SLC24A2: variants seen among roughly 807,000 people sequenced by gnomAD.
The protein encoded by SLC24A2 is solute carrier family 24 member 2, also known as sodium/potassium/calcium exchanger 2.
In SLC24A2, 36 loss-of-function variants were observed where a neutral mutation model predicts 62.0. That is an observed-to-expected ratio of 0.58 (90% CI 0.44 to 0.77). The LOEUF (loss-of-function observed/expected upper bound fraction) is 0.77. SLC24A2 is among the 30% of genes least tolerant of loss of function. The pLI is 0.00. For synonymous variants in SLC24A2, 358 were observed against 294.0 expected, an observed-to-expected ratio of 1.22 and a Z score of -2.23; for missense variants, 846 against 817.9, an observed-to-expected ratio of 1.03 and a Z score of -0.42.
the SLC24A2 span, among the ~76,000 whole-genome samples, chr9:20,079,609 G>A: frequency 1.3e-5 from 2 of 152,302 alleles, no homozygotes; most frequent in South Asian, 4.1e-4. Context: ...ATGGAACAAT[G>A]ACAGCAGTAT....
At chr9:20,169,093 C>T in the SLC24A2 span, among the ~76,000 whole-genome samples, 1 of 151,768 alleles carries the variant, frequency 6.6e-6, no homozygotes, top group African/African-American at 2.4e-5. Flanking sequence ...TGAAATAAGC[C>T]AGACACAGAA....
chr9:19,537,882 G>A, intron 8 of SLC24A2, among the ~76,000 whole-genome samples: 1 of 12,444 alleles, frequency 8.0e-5, no homozygotes, highest in Non-Finnish European at 1.2e-4. Flanking sequence ...ATTTCCTTGA[G>A]CAGTGGTTTG....
At chr9:19,888,984 G>A in the SLC24A2 span, among the ~76,000 whole-genome samples, 7 of 152,296 alleles carry the variant, frequency 4.6e-5, no homozygotes, top group East Asian at 1.3e-3. Context: ...ATCTGGTGGA[G>A]CCACACACAC....
intron 10 of SLC24A2, 84 bp from the exon 11 acceptor site, chr9:19,516,486 T>C: frequency 2.0e-6 from 3 of 1,468,090 alleles, no homozygotes; most frequent in Non-Finnish European, 2.8e-6. Flanking sequence ...TATAACCTAT[T>C]ATTACCTTCT....
chr9:19,543,661 T>C (rs921691892), intron 8 of SLC24A2, among the ~76,000 whole-genome samples: 1 of 152,206 alleles, frequency 6.6e-6, no homozygotes, highest in African/African-American at 2.4e-5. Context: ...AAGAACATCT[T>C]TGTTTCTGCC....
At chr9:19,853,733 G>C in the SLC24A2 span, among the ~76,000 whole-genome samples, 2 of 152,128 alleles carry the variant, frequency 1.3e-5, no homozygotes, top group African/African-American at 4.8e-5. Context: ...GAAGATTTTT[G>C]CACCGATGTT....
At chr9:19,554,942 G>C (rs1291003343) in intron 7 of SLC24A2, among the ~76,000 whole-genome samples, 1 of 152,188 alleles carries the variant, frequency 6.6e-6, no homozygotes, top group African/African-American at 2.4e-5. Context: ...TTGCTGAGCA[G>C]CCTGGGATCA....
At chr9:19,910,385 G>T in the SLC24A2 span, among the ~76,000 whole-genome samples, 3 of 152,092 alleles carry the variant, frequency 2.0e-5, no homozygotes, top group Non-Finnish European at 2.9e-5. Context: ...TTCATCAGTG[G>T]TTATTATAAC....
chr9:19,867,301 T>A, the SLC24A2 span, among the ~76,000 whole-genome samples: 1 of 152,170 alleles, frequency 6.6e-6, no homozygotes, highest in Non-Finnish European at 1.5e-5. Flanking sequence ...AGTGAAACAA[T>A]CTGAGCCTGG....
chr9:20,185,639 T>C, the SLC24A2 span, among the ~76,000 whole-genome samples: 2 of 137,570 alleles, frequency 1.5e-5, no homozygotes, highest in South Asian at 4.5e-4. Flanking sequence ...CACTCCAGCC[T>C]GGGAGACAGA....
At chr9:19,773,827 G>A (rs1203286832) in intron 2 of SLC24A2, among the ~76,000 whole-genome samples, 1 of 152,218 alleles carries the variant, frequency 6.6e-6, no homozygotes, top group Non-Finnish European at 1.5e-5. Context: ...ACACAAGAGT[G>A]AACACATTTA....
intron 2 of SLC24A2, among the ~76,000 whole-genome samples, chr9:19,706,307 T>C (rs1003443137): frequency 2.4e-4 from 37 of 152,110 alleles, no homozygotes; most frequent in African/African-American, 8.7e-4. Flanking sequence ...TCCATCCTTT[T>C]ATATTGAGCC....
At chr9:19,765,034 T>G (rs533043195) in intron 2 of SLC24A2, among the ~76,000 whole-genome samples, 1 of 152,362 alleles carries the variant, frequency 6.6e-6, no homozygotes, top group South Asian at 2.1e-4. Flanking sequence ...CATTGATCCC[T>G]TTACCATTAT....
chr9:19,630,492 A>G (rs573138788), intron 2 of SLC24A2, among the ~76,000 whole-genome samples: 1 of 152,268 alleles, frequency 6.6e-6, no homozygotes, highest in South Asian at 2.1e-4. Context: ...CACAATTTGA[A>G]TGTAATATAG....
At chr9:20,024,744 A>G in the SLC24A2 span, among the ~76,000 whole-genome samples, 1 of 152,180 alleles carries the variant, frequency 6.6e-6, no homozygotes, top group African/African-American at 2.4e-5. Context: ...TAGTTACTAC[A>G]AAGTCGGGGT....
chr9:19,574,854 T>C (rs1237963655), intron 6 of SLC24A2, among the ~76,000 whole-genome samples: 2 of 152,172 alleles, frequency 1.3e-5, no homozygotes, highest in East Asian at 3.9e-4. Context: ...ATCATGGATT[T>C]TGGGATGGAA....
chr9:19,801,785 C>T, the SLC24A2 span, among the ~76,000 whole-genome samples: 6 of 152,048 alleles, frequency 3.9e-5, no homozygotes, highest in Non-Finnish European at 7.4e-5. Flanking sequence ...ATTTTTAGTC[C>T]GCCTAGGAAA....
At chr9:20,064,647 A>T in the SLC24A2 span, among the ~76,000 whole-genome samples, 1 of 152,352 alleles carries the variant, frequency 6.6e-6, no homozygotes, top group East Asian at 1.9e-4. Context: ...TGTAAACAGG[A>T]TCACAACTGA....
At chr9:19,701,782 C>T (rs7866744) in intron 2 of SLC24A2, among the ~76,000 whole-genome samples, 53,544 of 151,980 alleles carry the variant, frequency 0.35, 10,558 homozygotes, top group African/African-American at 0.54. Flanking sequence ...AATTCCTCCA[C>T]ACTATGCTGA....
Sources: allele counts gnomAD v4.1 joint callset (sites outside exome capture counted in the v4.1 genomes callset), GRCh38; gene constraint gnomAD v4.1.1; transcripts MANE v1.5; gene names NCBI Gene and HGNC (gene_info 2026-07-23, HGNC 2026-07-21).